Variants in MAP3K5 observed in about 807,000 individuals in gnomAD.
MAP3K5 encodes mitogen-activated protein kinase kinase kinase 5.
A neutral mutation model predicts 158.7 loss-of-function variants in MAP3K5; 56 were observed. The ratio of observed to expected loss-of-function variants is 0.35; its 90% CI spans 0.28 to 0.44. The LOEUF (loss-of-function observed/expected upper bound fraction) is 0.44, where lower values mean the gene tolerates loss of function less well. Among genes scored for constraint, MAP3K5 ranks in the 20% least tolerant of loss-of-function variants. MAP3K5 has a pLI of 1.00. For missense variants in MAP3K5, 1,294 were observed against 1,674.8 expected (o/e 0.77, Z 3.97); for synonymous variants, 579 against 601.7 (o/e 0.96, Z 0.55).
intron 16 of MAP3K5, 30 bp downstream of exon 16, chr6:136,614,127 TCA>T: frequency 1.2e-6 from 2 of 1,606,128 alleles, no homozygotes; most frequent in Non-Finnish European, 1.7e-6. Flanking sequence ...CTCTAAACAT[TCA>T]CACTTTTTAA....
At chr6:136,561,775 A>G in intron 27 of MAP3K5, 130 bp from the exon 28 acceptor site, 1 of 582,734 alleles carries the variant, frequency 1.7e-6, no homozygotes, top group Non-Finnish European at 3.1e-6. Flanking sequence ...CATAGAAACA[A>G]TTGAGATTGG....
intron 15 of MAP3K5, among the ~76,000 whole-genome samples, chr6:136,622,155 T>A (rs962174025): frequency 2.0e-5 from 3 of 152,080 alleles, no homozygotes; most frequent in Non-Finnish European, 4.4e-5. Context: ...ATTTCTCTTA[T>A]TTCAAGTCTC....
At chr6:136,574,232 A>G (rs1429956742) in intron 25 of MAP3K5, among the ~76,000 whole-genome samples, 14 of 152,178 alleles carry the variant, frequency 9.2e-5, no homozygotes, top group Non-Finnish European at 1.8e-4. Context: ...CGCTTGGCCT[A>G]GACCAAGCTT....
intron 7 of MAP3K5, among the ~76,000 whole-genome samples, chr6:136,676,523 T>C (rs797001946): frequency 3.9e-5 from 6 of 152,288 alleles, no homozygotes; most frequent in African/African-American, 1.4e-4. Context: ...GTTGTTTATA[T>C]AGCTTTTATT....
intron 14 of MAP3K5, among the ~76,000 whole-genome samples, chr6:136,631,508 C>CTT (rs1160301228): frequency 6.7e-6 from 1 of 148,246 alleles, no homozygotes; most frequent in African/African-American, 2.5e-5. Flanking sequence ...AATAATGTCA[C>CTT]TTTTTTTTTT....
intron 14 of MAP3K5, among the ~76,000 whole-genome samples, chr6:136,634,555 A>G (rs1777524486): frequency 1.3e-5 from 2 of 152,076 alleles, no homozygotes; most frequent in South Asian, 4.1e-4. Flanking sequence ...AAGGATAGAA[A>G]TGTAAGAATG....
chr6:136,776,668 G>C (rs1392505628), intron 1 of MAP3K5, among the ~76,000 whole-genome samples: 1 of 152,160 alleles, frequency 6.6e-6, no homozygotes, highest in African/African-American at 2.4e-5. Context: ...CTCCAACACC[G>C]ACAAATTCTT....
intron 1 of MAP3K5, among the ~76,000 whole-genome samples, chr6:136,729,044 T>G (rs1395626553): frequency 6.6e-6 from 1 of 152,084 alleles, no homozygotes; most frequent in Non-Finnish European, 1.5e-5. Context: ...TTATAATAAC[T>G]AAAGACCCCT....
intron 28 of MAP3K5, among the ~76,000 whole-genome samples, chr6:136,560,774 C>T (rs570133188): frequency 6.7e-4 from 102 of 151,514 alleles, no homozygotes; most frequent in Middle Eastern, 6.8e-3. Context: ...ATAGCGAGAC[C>T]CTATCTCTAA....
At chr6:136,791,503 C>G (rs992675906) in intron 1 of MAP3K5, among the ~76,000 whole-genome samples, 2 of 152,158 alleles carry the variant, frequency 1.3e-5, no homozygotes, top group Non-Finnish European at 2.9e-5. Flanking sequence ...ATAGGTCTAT[C>G]GCACAAGTAC....
At chr6:136,775,121 A>T (rs576153414) in intron 1 of MAP3K5, among the ~76,000 whole-genome samples, 25 of 138,372 alleles carry the variant, frequency 1.8e-4, no homozygotes, top group Middle Eastern at 3.6e-3. Flanking sequence ...AATATGAATT[A>T]AAAAAAAATT....
Position 136,611,349 on chromosome 6 carries a change from G to C in MAP3K5, c.2454C>G (p.Leu818=), listed in dbSNP as rs1353564248. ...TTGATGTTCCGAAGTCAGAGATCTT[G>C]AGAACACCACTGTAGGTATTAATCA... ...NVLINTYSGV[L]KISDFGTSKR... is the part of the protein sequence containing the mutation. Residue 818 remains leucine, a synonymous_variant, in exon 18 of 30, where the codon CTC becomes CTG. Transcript: ENST00000359015. 6.2e-6 allele frequency: 10 copies of C among 1,612,628 alleles called. No homozygotes were observed. Among genetic ancestry groups the C allele is most frequent in the Non-Finnish European group, 8.5e-6 (10 of 1,179,008 alleles).
chr6:136,790,642 A>G (rs368453786), intron 1 of MAP3K5, among the ~76,000 whole-genome samples: 2 of 152,248 alleles, frequency 1.3e-5, no homozygotes, highest in African/African-American at 4.8e-5. Flanking sequence ...GGTGTTTGGA[A>G]GACACTAAAG....
chr6:136,567,829 T>C lies in MAP3K5; in HGVS notation c.3563A>G (p.Asp1188Gly). 6.2e-7 allele frequency: 1 copy of C among 1,614,070 alleles called. No individual in the cohort carries two copies. The highest frequency in any genetic ancestry group is 8.5e-7 in the Non-Finnish European group (1 of 1,179,962). The change falls in exon 26 of 30, where the codon GAT becomes GGT. Residue 1188 changes from aspartate (D) to glycine (G), a missense_variant. Transcript: ENST00000359015. ...FSLASESDTA[D>G]QEDLDVEDDH... ...ATCTTCTACATCCAAGTCTTCTTGA[T>C]CAGCAGTATCACTCTCAGATGCAAG...
chr6:136,749,867 C>T (rs1446760128), intron 1 of MAP3K5, among the ~76,000 whole-genome samples: 4 of 152,138 alleles, frequency 2.6e-5, no homozygotes, highest in African/African-American at 9.7e-5. Context: ...CTTTGCAACA[C>T]TCATCCACCC....
chr6:136,593,568 T>C (rs1176844155), intron 21 of MAP3K5: 1 of 263,626 alleles, frequency 3.8e-6, no homozygotes, highest in African/African-American at 2.3e-5. Context: ...AGTCTCTGTA[T>C]ATGTATGCCT....
rs755283132 is a variant in MAP3K5, at chr6:136,592,278, T to C, written c.3120A>G (p.Gly1040=). 6.2e-7 allele frequency: 1 copy of C among 1,610,432 alleles called. No homozygotes were observed. Among genetic ancestry groups the C allele is most frequent in the East Asian group, 2.2e-5 (1 of 44,846 alleles). Residue 1040 remains glycine, a synonymous_variant, in exon 23 of 30, where the codon GGA becomes GGG. Coordinates refer to ENST00000359015, the MANE Select transcript of MAP3K5 (RefSeq NM_005923.4). Reference sequence around the variant, plus strand: ...CACTGTCCTTCCTCAGCATGAAGAATCCAGAATCTTTTTCTTCAGGGGAAG... The same window carrying C: ...CACTGTCCTTCCTCAGCATGAAGAACCCAGAATCTTTTTCTTCAGGGGAAG... The part of the protein sequence containing the change: ...APPSPEEKDS[G]FFMLRKDSER...
chr6:136,771,914 C>T (rs1784214508), intron 1 of MAP3K5, among the ~76,000 whole-genome samples: 1 of 150,892 alleles, frequency 6.6e-6, no homozygotes, highest in African/African-American at 2.5e-5. Context: ...AATGGTCTCC[C>T]TTTTTATTTT....
At chr6:136,724,861 C>A (rs543345714) in intron 1 of MAP3K5, among the ~76,000 whole-genome samples, 1 of 152,102 alleles carries the variant, frequency 6.6e-6, no homozygotes, top group South Asian at 2.1e-4. Flanking sequence ...TGCGTACATA[C>A]CACCATAGTC....
Sources: gnomAD v4.1 joint callset for allele counts (sites outside exome capture counted in the v4.1 genomes callset) on GRCh38, gnomAD v4.1.1 for gene constraint, MANE v1.5 for transcripts, NCBI Gene and HGNC (gene_info 2026-07-23, HGNC 2026-07-21) for gene names.